The following RNLS variants were observed in gnomAD, a reference collection of about 807,000 sequenced individuals.
RNLS encodes renalase, FAD dependent amine oxidase.
RNLS carries 39 observed loss-of-function variants against 39.8 expected under a neutral mutation model. The ratio of observed to expected loss-of-function variants is 0.98; its 90% CI spans 0.76 to 1.28. RNLS has a LOEUF of 1.28. Among genes scored for constraint, RNLS ranks in the 50% most tolerant of loss-of-function variants. The pLI, the probability that RNLS is intolerant of heterozygous loss-of-function variation, is 0.00. For synonymous variants in RNLS, 147 were observed against 150.7 expected (o/e 0.98, Z 0.18); for missense variants, 410 against 413.3 (o/e 0.99, Z 0.07).
chr10:88,460,062 A>G (rs745575782), intron 4 of RNLS, among the ~76,000 whole-genome samples: 28 of 152,118 alleles, frequency 1.8e-4, no homozygotes, highest in Non-Finnish European at 4.0e-4. Context: ...TAGTTTATTT[A>G]ATCCTCGTGA....
intron 4 of RNLS, among the ~76,000 whole-genome samples, chr10:88,419,878 T>C (rs938203794): frequency 2.0e-5 from 3 of 151,948 alleles, no homozygotes; most frequent in African/African-American, 2.4e-5. Flanking sequence ...TGCATGGTGG[T>C]ACATGGCTGT....
At chr10:88,298,051 T>G (rs1844217369) in intron 6 of RNLS, among the ~76,000 whole-genome samples, 1 of 152,208 alleles carries the variant, frequency 6.6e-6, no homozygotes, top group Non-Finnish European at 1.5e-5. Flanking sequence ...ATTGTGATTT[T>G]GATTTGCATT....
At chr10:88,353,035 TC>T (rs2133303015) in intron 5 of RNLS, among the ~76,000 whole-genome samples, 1 of 152,354 alleles carries the variant, frequency 6.6e-6, no homozygotes, top group South Asian at 2.1e-4. Context: ...TTCTGTGGGA[TC>T]AGTGGGGATA....
At chr10:88,203,316 A>ACG in the RNLS span, among the ~76,000 whole-genome samples, 44 of 4,854 alleles carry the variant, frequency 9.1e-3, 4 homozygotes, top group Middle Eastern at 0.083. Flanking sequence ...ATATATACGT[A>ACG]TGTATATATA....
At chr10:88,398,250 G>A (rs953374571) in intron 4 of RNLS, among the ~76,000 whole-genome samples, 2 of 152,070 alleles carry the variant, frequency 1.3e-5, no homozygotes, top group African/African-American at 2.4e-5. Flanking sequence ...AGCCTTAACT[G>A]TAATTTTTGT....
At chr10:88,325,700 A>T (rs1228472850) in intron 5 of RNLS, among the ~76,000 whole-genome samples, 3 of 152,208 alleles carry the variant, frequency 2.0e-5, no homozygotes, top group African/African-American at 7.2e-5. Context: ...CATAACACGC[A>T]TTTTTAAAAA....
At chr10:88,466,593 G>A (rs746275400) in intron 4 of RNLS, among the ~76,000 whole-genome samples, 2 of 152,100 alleles carry the variant, frequency 1.3e-5, no homozygotes, top group East Asian at 1.9e-4. Context: ...CTTTAAAAAC[G>A]AGCAACAGGC....
the RNLS span, among the ~76,000 whole-genome samples, chr10:88,237,935 A>G: frequency 6.6e-6 from 1 of 152,238 alleles, no homozygotes; most frequent in African/African-American, 2.4e-5. Flanking sequence ...CCAAAATCAT[A>G]AAGGGGAGAG....
chr10:88,573,586 A>T (rs532573279), intron 3 of RNLS, among the ~76,000 whole-genome samples: 7 of 152,316 alleles, frequency 4.6e-5, no homozygotes, highest in Admixed American at 4.6e-4. Context: ...GTTCTCTGTA[A>T]GGGAAATGCA....
At chr10:88,349,049 A>G (rs764854871) in intron 5 of RNLS, among the ~76,000 whole-genome samples, 25 of 152,120 alleles carry the variant, frequency 1.6e-4, no homozygotes, top group Admixed American at 7.9e-4. Context: ...GGTAGGGACT[A>G]TGGAGTCCTC....
chr10:88,580,458 C>T (rs900142791), intron 3 of RNLS, among the ~76,000 whole-genome samples: 5 of 152,132 alleles, frequency 3.3e-5, no homozygotes, highest in Non-Finnish European at 1.5e-5. Context: ...AGTAATTATG[C>T]TGGAAATGGC....
At chr10:88,309,593 G>C (rs1445581934) in intron 6 of RNLS, 2 of 535,208 alleles carry the variant, frequency 3.7e-6, no homozygotes, top group East Asian at 1.4e-4. Flanking sequence ...AGGCCTGAAG[G>C]AGCCAAATGG....
chr10:88,355,622 A>G (rs1437704993), intron 5 of RNLS, among the ~76,000 whole-genome samples: 2 of 151,958 alleles, frequency 1.3e-5, no homozygotes, highest in Middle Eastern at 3.4e-3. Flanking sequence ...GTCTGCCCCT[A>G]CTGAGGGGTG....
chr10:88,215,177 G>T, the RNLS span, among the ~76,000 whole-genome samples: 1 of 151,184 alleles, frequency 6.6e-6, no homozygotes, highest in East Asian at 1.9e-4. Context: ...ATTAATTATA[G>T]TACAATTAAT....
At chr10:88,181,226 G>A in the RNLS span, among the ~76,000 whole-genome samples, 1 of 152,160 alleles carries the variant, frequency 6.6e-6, no homozygotes, top group Non-Finnish European at 1.5e-5. Context: ...CATAAGCCAG[G>A]AAATTTGGAG....
intron 4 of RNLS, among the ~76,000 whole-genome samples, chr10:88,377,344 A>C (rs1392227383): frequency 1.3e-5 from 2 of 152,182 alleles, no homozygotes; most frequent in South Asian, 4.1e-4. Context: ...AGCTACAGGG[A>C]AAAAATGCAA....
intron 4 of RNLS, among the ~76,000 whole-genome samples, chr10:88,487,811 TG>T (rs1844624593): frequency 6.6e-6 from 1 of 152,090 alleles, no homozygotes; most frequent in East Asian, 1.9e-4. Context: ...TAGTCGCAAA[TG>T]GGAAATAATC....
chr10:88,343,965 C>A (rs1418979508), intron 5 of RNLS, among the ~76,000 whole-genome samples: 6 of 152,186 alleles, frequency 3.9e-5, no homozygotes, highest in African/African-American at 1.4e-4. Flanking sequence ...TGATGACAGT[C>A]CACTAAAATG....
downstream of RNLS, among the ~76,000 whole-genome samples, chr10:88,268,886 A>G (rs1842574419): frequency 6.6e-6 from 1 of 152,232 alleles, no homozygotes; most frequent in Non-Finnish European, 1.5e-5. Flanking sequence ...CCAATACAAC[A>G]TGAAGCACTG....
Sources: allele counts gnomAD v4.1 joint callset (sites outside exome capture counted in the v4.1 genomes callset), GRCh38; gene constraint gnomAD v4.1.1; transcripts MANE v1.5; gene names NCBI Gene and HGNC (gene_info 2026-07-23, HGNC 2026-07-21).